DLGAP1: variants seen among roughly 807,000 people sequenced by gnomAD.
DLGAP1 encodes disks large-associated protein 1.
A neutral mutation model predicts 90.8 loss-of-function variants in DLGAP1; 11 were observed. The observed-to-expected ratio is 0.12, with a 90% CI of 0.08 to 0.20. DLGAP1 has a LOEUF of 0.20. Ranked by LOEUF, DLGAP1 falls within the 10% of genes least tolerant of loss-of-function variation. The probability of loss-of-function intolerance (pLI) is 1.00; values close to 1 mark genes in which losing one functional copy is unlikely to be tolerated. For synonymous variants in DLGAP1, 558 were observed against 540.7 expected (o/e 1.03, Z -0.44); for missense variants, 1,050 against 1,333.8 (o/e 0.79, Z 3.31).
chr18:4,360,714 C>A (rs1598281666), intron 1 of DLGAP1, among the ~76,000 whole-genome samples: 1 of 152,138 alleles, frequency 6.6e-6, no homozygotes, highest in Non-Finnish European at 1.5e-5. Context: ...TGCAGTGGCT[C>A]AAGCCTGTAA....
intron 3 of DLGAP1, among the ~76,000 whole-genome samples, chr18:3,987,036 T>C (rs977774594): frequency 1.5e-4 from 23 of 152,168 alleles, no homozygotes; most frequent in African/African-American, 5.3e-4. Context: ...ACCCTGCAAA[T>C]AGCGCTCGTT....
chr18:3,629,533 G>A (rs993070256), intron 7 of DLGAP1, among the ~76,000 whole-genome samples: 3 of 152,098 alleles, frequency 2.0e-5, no homozygotes, highest in East Asian at 1.9e-4. Context: ...TTAGCCGGGC[G>A]TGTTGGTGGG....
chr18:4,156,425 C>T (rs1353289094), intron 1 of DLGAP1, among the ~76,000 whole-genome samples: 1 of 152,172 alleles, frequency 6.6e-6, no homozygotes, highest in African/African-American at 2.4e-5. Context: ...TTTTAATTCC[C>T]TTCTGTTTCC....
At chr18:3,596,768 G>C in intron 7 of DLGAP1, 3 of 503,566 alleles carry the variant, frequency 6.0e-6, no homozygotes, top group Non-Finnish European at 1.2e-5. Context: ...ATCAGGAAGG[G>C]GAGGTGATCG....
chr18:3,555,678 C>T (rs1175574551), intron 9 of DLGAP1, among the ~76,000 whole-genome samples: 1 of 152,038 alleles, frequency 6.6e-6, no homozygotes, highest in East Asian at 1.9e-4. Flanking sequence ...GGTGTAGTGG[C>T]GTGTGCCTAT....
intron 3 of DLGAP1, among the ~76,000 whole-genome samples, chr18:3,905,366 CAA>C (rs71160924): frequency 2.8e-3 from 56 of 19,804 alleles, no homozygotes; most frequent in South Asian, 0.013. Context: ...GACTCCATCT[CAA>C]AAAAAAAAAA....
At chr18:4,440,706 G>T (rs1334806072) in intron 1 of DLGAP1, among the ~76,000 whole-genome samples, 1 of 152,184 alleles carries the variant, frequency 6.6e-6, no homozygotes, top group Non-Finnish European at 1.5e-5. Flanking sequence ...CATTATAAAG[G>T]ACACTCACTA....
At chr18:4,254,423 C>T (rs1211753266) in intron 1 of DLGAP1, among the ~76,000 whole-genome samples, 2 of 152,148 alleles carry the variant, frequency 1.3e-5, no homozygotes, top group Non-Finnish European at 2.9e-5. Flanking sequence ...TAAGCAGAAG[C>T]TTTATCACTC....
intron 1 of DLGAP1, among the ~76,000 whole-genome samples, chr18:4,248,950 G>A (rs867556637): frequency 6.6e-6 from 1 of 152,132 alleles, no homozygotes; most frequent in African/African-American, 2.4e-5. Context: ...CCGGCCTCCC[G>A]CCCATGTATG....
chr18:4,034,313 A>G (rs2074853472), intron 2 of DLGAP1, among the ~76,000 whole-genome samples: 2 of 152,100 alleles, frequency 1.3e-5, no homozygotes, highest in Admixed American at 1.3e-4. Context: ...AAGGGCTGGG[A>G]TTACGGACAT....
chr18:3,534,061 C>T, intron 10 of DLGAP1, 133 bp downstream of exon 10: 1 of 984,428 alleles, frequency 1.0e-6, no homozygotes, highest in Admixed American at 2.8e-5. Flanking sequence ...AGCTCTCCTG[C>T]ATGTTCTGGT....
At chr18:4,304,329 T>C (rs918241469) in intron 1 of DLGAP1, among the ~76,000 whole-genome samples, 1 of 152,238 alleles carries the variant, frequency 6.6e-6, no homozygotes, top group Non-Finnish European at 1.5e-5. Flanking sequence ...ATAAAATAAA[T>C]GGTGATCCCA....
intron 10 of DLGAP1, among the ~76,000 whole-genome samples, chr18:3,520,466 C>G (rs1728340318): frequency 1.3e-5 from 2 of 152,184 alleles, no homozygotes; most frequent in South Asian, 4.1e-4. Flanking sequence ...ACCTCCAGTA[C>G]CTCAGAATGT....
chr18:4,388,992 G>A (rs2144400730), intron 1 of DLGAP1, among the ~76,000 whole-genome samples: 1 of 152,214 alleles, frequency 6.6e-6, no homozygotes, highest in Non-Finnish European at 1.5e-5. Flanking sequence ...ATAAGATCCA[G>A]CAGTTCCACT....
chr18:4,255,932 T>A (rs2078879527), intron 1 of DLGAP1, among the ~76,000 whole-genome samples: 1 of 152,158 alleles, frequency 6.6e-6, no homozygotes, highest in Admixed American at 6.5e-5. Context: ...AGTGAGAGAA[T>A]GAAAGGTCCG....
At position 4,316,793 on chromosome 18, in the gene DLGAP1, G is replaced by A. The variant is rs1178012839; in HGVS notation, c.-267+138213C>T. On this transcript the variant is annotated intron_variant, in intron 1 of 12. Coordinates refer to ENST00000315677, the MANE Select transcript of DLGAP1 (RefSeq NM_004746.4). ...ATTAGCAGGATCAATCTCTTCCTGA[G>A]TCCGGTTACTGACTGTATGCCACAA... 2.6e-5 allele frequency among the ~76,000 whole-genome samples: 4 copies of A among 152,100 alleles called. No homozygotes were observed. In the South Asian group the frequency reaches 6.2e-4, roughly 24 times the overall value.
chr18:3,725,577 GCTCTAATATTTCCTC>G (rs1568020279), intron 7 of DLGAP1, among the ~76,000 whole-genome samples: 1 of 152,084 alleles, frequency 6.6e-6, no homozygotes. Context: ...AATATTAACT[GCTCTAATATTTCCTC>G]CTCTAATATT....
intron 1 of DLGAP1, among the ~76,000 whole-genome samples, chr18:4,231,638 T>C (rs2078300924): frequency 6.6e-6 from 1 of 152,172 alleles, no homozygotes; most frequent in South Asian, 2.1e-4. Flanking sequence ...TAATAACTCA[T>C]TCCTACCATT....
intron 2 of DLGAP1, among the ~76,000 whole-genome samples, chr18:4,100,247 T>A (rs1490602723): frequency 6.6e-6 from 1 of 152,246 alleles, no homozygotes; most frequent in Non-Finnish European, 1.5e-5. Context: ...GGCTACAGCA[T>A]GGATATTGTG....
Sources: gnomAD v4.1 joint callset for allele counts (sites outside exome capture counted in the v4.1 genomes callset) on GRCh38, gnomAD v4.1.1 for gene constraint, MANE v1.5 for transcripts, NCBI Gene and HGNC (gene_info 2026-07-23, HGNC 2026-07-21) for gene names.